The following ARVCF variants were observed in gnomAD, a reference collection of about 807,000 sequenced individuals.
ARVCF encodes the protein splicing regulator ARVCF.
ARVCF carries 66 observed loss-of-function variants against 90.9 expected under a neutral mutation model. The ratio of observed to expected loss-of-function variants is 0.73; its 90% CI spans 0.60 to 0.89. The LOEUF (loss-of-function observed/expected upper bound fraction) is 0.89, where lower values mean the gene tolerates loss of function less well. Among genes scored for constraint, ARVCF ranks in the 40% least tolerant of loss-of-function variants. The pLI is 0.00. For missense variants in ARVCF, 1,469 were observed against 1,382.3 expected, an observed-to-expected ratio of 1.06 and a Z score of -1.00; for synonymous variants, 653 against 603.4, an observed-to-expected ratio of 1.08 and a Z score of -1.21.
intron 1 of ARVCF, among the ~76,000 whole-genome samples, chr22:20,014,461 T>A (rs993266657): frequency 3.9e-5 from 6 of 152,196 alleles, no homozygotes; most frequent in African/African-American, 1.4e-4. Context: ...TCCCAAAGTG[T>A]TGGGATTACA....
intron 3 of ARVCF, among the ~76,000 whole-genome samples, chr22:19,990,230 T>C (rs1943973850): frequency 6.6e-6 from 1 of 152,104 alleles, no homozygotes; most frequent in Non-Finnish European, 1.5e-5. Flanking sequence ...GACCCACCAG[T>C]GCATGCAATG....
chr22:19,979,527 C>T (rs762857283), intron 6 of ARVCF: 4 of 709,920 alleles, frequency 5.6e-6, no homozygotes, highest in South Asian at 2.1e-5. Context: ...GCCCGAGGGG[C>T]GCAGCGTCAG....
chr22:19,968,744 C>CA (rs752735911), downstream of ARVCF: 22 of 1,608,582 alleles, frequency 1.4e-5, no homozygotes, highest in East Asian at 2.2e-4. Context: ...TGACTGCCCC[C>CA]CCGGCCCCCC....
chr22:19,989,653 G>A (rs1310563195), intron 3 of ARVCF, among the ~76,000 whole-genome samples: 1 of 152,212 alleles, frequency 6.6e-6, no homozygotes, highest in African/African-American at 2.4e-5. Flanking sequence ...GGAGGTGCAG[G>A]TGCTGGGAGT....
At chr22:20,009,751 C>A (rs376800262) in intron 2 of ARVCF, among the ~76,000 whole-genome samples, 11 of 152,224 alleles carry the variant, frequency 7.2e-5, no homozygotes, top group African/African-American at 2.7e-4. Context: ...GCTTCCCAGG[C>A]GCTATGCCTC....
At chr22:20,006,979 T>G (rs1183137007) in intron 2 of ARVCF, among the ~76,000 whole-genome samples, 3 of 151,916 alleles carry the variant, frequency 2.0e-5, no homozygotes. Context: ...TAAGGCTGGG[T>G]GCAGTGGCTC....
At chr22:19,976,598 T>C in intron 10 of ARVCF, 108 bp downstream of exon 10, 1 of 1,404,178 alleles carries the variant, frequency 7.1e-7, no homozygotes, top group South Asian at 1.3e-5. Flanking sequence ...GCAGCCCGAG[T>C]GATGAAGCCA....
chr22:19,977,206 T>C (rs1051862793), intron 9 of ARVCF, among the ~76,000 whole-genome samples: 8 of 152,102 alleles, frequency 5.3e-5, no homozygotes, highest in Non-Finnish European at 8.8e-5. Flanking sequence ...GGTCCCACAG[T>C]GTAGATGGGG....
At chr22:20,011,405 C>T (rs983561363) in intron 1 of ARVCF, among the ~76,000 whole-genome samples, 4 of 152,176 alleles carry the variant, frequency 2.6e-5, no homozygotes, top group Non-Finnish European at 4.4e-5. Context: ...CCCGCCTCTA[C>T]GGTGTTTTCT....
At chr22:19,972,014 A>G (rs779441840) in intron 17 of ARVCF, 43 bp from the exon 18 acceptor site, 1 of 1,514,092 alleles carries the variant, frequency 6.6e-7, no homozygotes, top group Non-Finnish European at 9.0e-7. Context: ...GCTCTGAGGG[A>G]GGCCCTGTAG....
Position 19,979,848 on chromosome 22 carries a change from G to T in ARVCF, c.1291C>A (p.Arg431Ser). 6.2e-7 allele frequency: 1 copy of T among 1,608,974 alleles called. No individual in the cohort carries two copies. Among genetic ancestry groups the T allele is most frequent in the Non-Finnish European group, 8.5e-7 (1 of 1,178,672 alleles). ...CGALRNLSYG[R>S]DTDNKAAIRD... ...ATGGCGGCCTTGTTGTCAGTGTCGCGGCCATAGGAGAGGTTGCGCAGTGCC... is the reference window on the plus strand; with the variant it reads ...ATGGCGGCCTTGTTGTCAGTGTCGCTGCCATAGGAGAGGTTGCGCAGTGCC... Residue 431 changes from arginine to serine, a missense_variant, in exon 6 of 20, where the codon CGC (arginine) becomes AGC (serine). Arg to Ser is a moderately radical substitution (Grantham distance 110). Coordinates refer to ENST00000263207, the MANE Select transcript of ARVCF (RefSeq NM_001670.3).
chr22:20,013,479 A>T (rs763335600), intron 1 of ARVCF, among the ~76,000 whole-genome samples: 1 of 152,306 alleles, frequency 6.6e-6, no homozygotes, highest in Middle Eastern at 3.4e-3. Context: ...CGCCCTCAAT[A>T]GGCGGCTTGG....
intron 2 of ARVCF, among the ~76,000 whole-genome samples, chr22:20,007,033 T>C (rs1017308689): frequency 6.6e-6 from 1 of 151,092 alleles, no homozygotes; most frequent in Non-Finnish European, 1.5e-5. Context: ...GCAAGTGGAT[T>C]GCTGGGGCCC....
At chr22:19,987,118 G>C in intron 3 of ARVCF, 2 of 527,652 alleles carry the variant, frequency 3.8e-6, no homozygotes. Context: ...GGGGGCGCTG[G>C]CCAGCAGCGG....
chr22:19,998,443 C>A (rs1362501007), intron 2 of ARVCF, among the ~76,000 whole-genome samples: 1 of 152,168 alleles, frequency 6.6e-6, no homozygotes, highest in African/African-American at 2.4e-5. Flanking sequence ...AGCCCCCCTC[C>A]CAGGTTTCGG....
intron 12 of ARVCF, 35 bp from the exon 13 acceptor site, chr22:19,973,828 A>C (rs898400369): frequency 1.9e-6 from 3 of 1,583,822 alleles, no homozygotes; most frequent in African/African-American, 2.7e-5. Context: ...TCAGACATAC[A>C]TGCCAGGCAC....
Position 19,970,698 on chromosome 22 carries a change from T to G in ARVCF, c.*58A>C. 7.8e-7 allele frequency: 1 copy of G among 1,286,958 alleles called. No homozygotes were observed. The highest frequency in any genetic ancestry group is 1.0e-6 in the Non-Finnish European group (1 of 987,972). 79.7% of individuals were successfully genotyped at this position (1,286,958 alleles called of 1,614,324 possible). ...CGGCACGATCTGCTCAGGGTGGCCCTTCTTCCACGATCCAAGCCCTAAGAA... is the reference window on the plus strand; with the variant it reads ...CGGCACGATCTGCTCAGGGTGGCCCGTCTTCCACGATCCAAGCCCTAAGAA... On this transcript the variant is annotated 3_prime_UTR_variant, in exon 20 of 20. Transcript: ENST00000263207.
chr22:19,972,710 C>G lies in ARVCF; in HGVS notation c.2641+27G>C. 3 of 1,582,880 alleles carry G rather than the reference C, an allele frequency of 1.9e-6. No homozygotes were observed. The South Asian group carries it at 3.5e-5, about 18-fold the overall frequency. ...CTGGGGCAGCTGGGGTCGCCACCCT[C>G]TAGGCTCCCTAAGCTCCACCACTCA... On this transcript the variant is annotated intron_variant, in intron 16 of 19. Transcript: ENST00000263207.
chr22:19,987,292 TGGCGGGCGGGG>T lies in ARVCF; in HGVS notation c.210+3282_210+3292del, dbSNP rs1020035148. On this transcript the variant is annotated intron_variant, in intron 3 of 19. Coordinates refer to ENST00000263207, the MANE Select transcript of ARVCF (RefSeq NM_001670.3). Reference sequence around the variant, plus strand: ...GGCGTGGCGGGGGCCGGGGTGGGCGTGGCGGGCGGGGGGCGGGCAATGTGAGGTCCCGCCCC... The same window carrying T: ...GGCGTGGCGGGGGCCGGGGTGGGCGTGGCGGGCAATGTGAGGTCCCGCCCC... 4.8e-4 allele frequency: 11 copies of T among 22,772 alleles called. No homozygotes were observed. In the East Asian group the frequency reaches 9.1e-3, roughly 19 times the overall value. The allele number at this position is 22,772 out of a possible 1,614,324, so 1.4% of individuals were successfully genotyped here.
Sources: gnomAD v4.1 joint callset for allele counts (sites outside exome capture counted in the v4.1 genomes callset) on GRCh38, gnomAD v4.1.1 for gene constraint, MANE v1.5 for transcripts, NCBI Gene and HGNC (gene_info 2026-07-23, HGNC 2026-07-21) for gene names.